RNF32: variants seen among roughly 807,000 people sequenced by gnomAD.
The protein encoded by RNF32 is ring finger protein 32.
Under a neutral mutation model 41.0 loss-of-function variants are expected in RNF32, and 36 were observed. That is an observed-to-expected ratio of 0.88 (90% confidence interval 0.67 to 1.16). The LOEUF (loss-of-function observed/expected upper bound fraction) is 1.16, where lower values mean the gene tolerates loss of function less well. Among genes scored for constraint, RNF32 ranks in the 50% most tolerant of loss-of-function variants. The pLI, the probability that RNF32 is intolerant of heterozygous loss-of-function variation, is 0.00. For missense variants in RNF32, 413 were observed against 436.7 expected (o/e 0.95, Z 0.48); for synonymous variants, 154 against 160.9 (o/e 0.96, Z 0.32).
intron 4 of RNF32, among the ~76,000 whole-genome samples, chr7:156,655,261 A>AGAGAGAGAGAGAGAGAATG (rs1371988230): frequency 4.0e-5 from 6 of 151,454 alleles, no homozygotes; most frequent in Admixed American, 1.3e-4. Flanking sequence ...ACACACACAC[A>AGAGAGAGAGAGAGAGAATG]CAGAGAGAGA....
rs1755039779 is a variant in RNF32, at chr7:156,670,108, A to G, written c.685-5588A>G. Among the ~76,000 whole-genome samples the G allele has an allele frequency of 1.3e-5, 2 of 152,234 alleles. No individual in the cohort carries two copies. The highest frequency in any genetic ancestry group is 6.5e-5 in the Admixed American group (1 of 15,286). On this transcript the variant is annotated intron_variant, in intron 7 of 8. Coordinates refer to ENST00000317955, the MANE Select transcript of RNF32 (RefSeq NM_030936.4). The surrounding 1 kb of genome is among the most constrained non-coding windows in gnomAD (Gnocchi z 4.3). ...ATAAATTTTATGACTTTCACAGTGC[A>G]TCTTTACACCAGAATGTCAGTTTTA...
chr7:156,662,874 G>T (rs1284985284), intron 7 of RNF32, among the ~76,000 whole-genome samples: 1 of 138,470 alleles, frequency 7.2e-6, no homozygotes, highest in Non-Finnish European at 1.5e-5. Flanking sequence ...TTGAGGCACA[G>T]TCTCGCTCTG....
intron 6 of RNF32, 53 bp downstream of exon 6, chr7:156,658,305 A>G (rs564631951): frequency 4.4e-6 from 7 of 1,596,998 alleles, no homozygotes; most frequent in Non-Finnish European, 6.0e-6. Flanking sequence ...AGGCTATGAC[A>G]ACTAACTTGT....
Position 156,669,175 on chromosome 7 carries a change from G to A in RNF32, c.685-6521G>A, listed in dbSNP as rs1008164701. On this transcript the variant is annotated intron_variant, in intron 7 of 8. Coordinates refer to ENST00000317955, the MANE Select transcript of RNF32 (RefSeq NM_030936.4). This position sits in a 1 kb window ranked among gnomAD's most constrained non-coding sequence, Gnocchi z 4.2. Reference sequence around the variant, plus strand: ...GTGTGCTGACCAGCCCCTCTGGGCAGACACAGGTGCAAGGGCCCAGGTGTG... The same window carrying A: ...GTGTGCTGACCAGCCCCTCTGGGCAAACACAGGTGCAAGGGCCCAGGTGTG... 6.6e-6 allele frequency: 1 copy of A among 152,280 alleles called. No individual in the cohort carries two copies. Among genetic ancestry groups the A allele is most frequent in the African/African-American group, 2.4e-5 (1 of 41,462 alleles). 9.4% of individuals were successfully genotyped at this position (152,280 alleles called of 1,614,324 possible).
chr7:156,644,401 G>T, intron 2 of RNF32, 98 bp from the exon 3 acceptor site: 1 of 892,386 alleles, frequency 1.1e-6, no homozygotes. Flanking sequence ...TGATTTGGTT[G>T]TATGTGCCAT....
intron 7 of RNF32, among the ~76,000 whole-genome samples, chr7:156,664,909 T>TA (rs1276199464): frequency 6.6e-6 from 1 of 152,152 alleles, no homozygotes; most frequent in Non-Finnish European, 1.5e-5. Context: ...TATGTTTCAG[T>TA]AAAAAAGAGA....
At chr7:156,661,614 G>A (rs1800688679) in intron 7 of RNF32, among the ~76,000 whole-genome samples, 4 of 152,150 alleles carry the variant, frequency 2.6e-5, no homozygotes, top group Admixed American at 2.6e-4. Flanking sequence ...AGCCACCATG[G>A]CCTGGCCAGG....
intron 7 of RNF32, chr7:156,659,366 G>A: frequency 1.0e-6 from 1 of 986,324 alleles, no homozygotes; most frequent in Non-Finnish European, 1.2e-6. Flanking sequence ...TGAGAGCAGT[G>A]TCTCTGATCT....
At chr7:156,640,444 G>A, upstream of RNF32, 1 of 379,736 alleles carries the variant, frequency 2.6e-6, no homozygotes, top group Non-Finnish European at 5.1e-6. Flanking sequence ...CTGGGCGCCT[G>A]CACGCCCCCG....
At chr7:156,653,420 G>A in intron 3 of RNF32, among the ~76,000 whole-genome samples, 1 of 152,178 alleles carries the variant, frequency 6.6e-6, no homozygotes, top group East Asian at 1.9e-4. Flanking sequence ...ACAATCGCCT[G>A]TTGTTAAGCA....
At position 156,670,716 on chromosome 7, in the gene RNF32, C is replaced by G. The variant is rs1802302411; in HGVS notation, c.685-4980C>G. Among the ~76,000 whole-genome samples the G allele has an allele frequency of 6.6e-6, 1 of 152,116 alleles. No individual in the cohort carries two copies. Among genetic ancestry groups the G allele is most frequent in the African/African-American group, 2.4e-5 (1 of 41,426 alleles). The stretch of plus-strand genomic sequence containing the variant: ...TGGCATCTCCGTGTGTCGGGAGAGA[C>G]CTAACCGCCAGTCTAGACTCCCATG... On this transcript the variant is annotated intron_variant, in intron 7 of 8. Transcript: ENST00000317955. The surrounding 1 kb of genome is among the most constrained non-coding windows in gnomAD (Gnocchi z 4.3).
chr7:156,667,016 TCTGA>T (rs1801429333), intron 7 of RNF32, among the ~76,000 whole-genome samples: 2 of 152,354 alleles, frequency 1.3e-5, no homozygotes, highest in Admixed American at 6.5e-5. Context: ...ACAAGATTTC[TCTGA>T]CTTTTTTCAT....
intron 4 of RNF32, among the ~76,000 whole-genome samples, chr7:156,656,172 G>C (rs1368314502): frequency 6.6e-6 from 1 of 152,176 alleles, no homozygotes; most frequent in Non-Finnish European, 1.5e-5. Flanking sequence ...GCAGATGAGG[G>C]AATAAAAACA....
At position 156,643,632 on chromosome 7, in the gene RNF32, CTT is replaced by C. The variant is rs1197872729; in HGVS notation, c.-77-168_-77-167del. ...CAGGGATGAGTCGAAGCATAACTGACTTGAGTTCACCCCCTTCCTCCAGAACC... is the reference window on the plus strand; with the variant it reads ...CAGGGATGAGTCGAAGCATAACTGACGAGTTCACCCCCTTCCTCCAGAACC... On this transcript the variant is annotated intron_variant, in intron 1 of 8. Transcript: ENST00000317955. Among the ~76,000 whole-genome samples the C allele has an allele frequency of 3.9e-5, 6 of 152,326 alleles. 1 individual carries two copies. The South Asian group carries it at 1.2e-3, about 32-fold the overall frequency.
intron 7 of RNF32, among the ~76,000 whole-genome samples, chr7:156,665,605 A>T (rs1801234358): frequency 6.6e-6 from 1 of 152,212 alleles, no homozygotes; most frequent in Non-Finnish European, 1.5e-5. Flanking sequence ...CTGAAATCAC[A>T]AATTACTAGG....
chr7:156,653,253 T>C (rs1799032068), intron 3 of RNF32, among the ~76,000 whole-genome samples: 1 of 152,228 alleles, frequency 6.6e-6, no homozygotes, highest in Non-Finnish European at 1.5e-5. Context: ...TACAGTTACC[T>C]GCAGTATTCA....
upstream of RNF32, chr7:156,640,530 A>G (rs1322103607): frequency 2.7e-6 from 1 of 367,190 alleles, no homozygotes; most frequent in African/African-American, 2.3e-5. Context: ...CTCGACGGGA[A>G]CGCACCTGCG....
At chr7:156,652,843 C>T (rs1326960152) in intron 3 of RNF32, among the ~76,000 whole-genome samples, 5 of 152,126 alleles carry the variant, frequency 3.3e-5, no homozygotes, top group Non-Finnish European at 7.3e-5. Context: ...ATAGCTTGAG[C>T]CCAGGAGACA....
chr7:156,641,081 T>G (rs1797241459), intron 1 of RNF32: 1 of 152,356 alleles, frequency 6.6e-6, no homozygotes, highest in African/African-American at 2.4e-5. Context: ...TGATCCCACG[T>G]CGGTAATTTT....
Sources: allele counts gnomAD v4.1 joint callset (sites outside exome capture counted in the v4.1 genomes callset), GRCh38; gene constraint gnomAD v4.1.1; non-coding constraint Gnocchi (gnomAD v3.1); transcripts MANE v1.5; gene names NCBI Gene and HGNC (gene_info 2026-07-23, HGNC 2026-07-21).